ADAMTS16: variants seen among roughly 807,000 people sequenced by gnomAD.
The protein encoded by ADAMTS16 is ADAM metallopeptidase with thrombospondin type 1 motif 16.
Under a neutral mutation model 145.8 loss-of-function variants are expected in ADAMTS16, and 94 were observed. The observed-to-expected ratio is 0.64, with a 90% confidence interval of 0.55 to 0.77. The LOEUF (loss-of-function observed/expected upper bound fraction) is 0.77, where lower values mean the gene tolerates loss of function less well. ADAMTS16 is among the 30% of genes least tolerant of loss of function. The pLI, the probability that ADAMTS16 is intolerant of heterozygous loss-of-function variation, is 0.00. For synonymous variants in ADAMTS16, 659 were observed against 604.3 expected (o/e 1.09, Z -1.33); for missense variants, 1,585 against 1,591.5 (o/e 1.00, Z 0.07).
intron 17 of ADAMTS16, among the ~76,000 whole-genome samples, chr5:5,251,838 G>A (rs1424337996): frequency 1.3e-5 from 2 of 152,212 alleles, no homozygotes; most frequent in South Asian, 2.1e-4. Flanking sequence ...CCCTGGGCAT[G>A]GGGCCAAGTA....
At chr5:5,253,704 A>G (rs2126413912) in intron 17 of ADAMTS16, among the ~76,000 whole-genome samples, 1 of 152,176 alleles carries the variant, frequency 6.6e-6, no homozygotes, top group Non-Finnish European at 1.5e-5. Flanking sequence ...TCTGCAACCC[A>G]CATCTTCGAA....
chr5:5,289,783 T>C (rs1739231804), intron 18 of ADAMTS16, among the ~76,000 whole-genome samples: 1 of 151,498 alleles, frequency 6.6e-6, no homozygotes, highest in African/African-American at 2.4e-5. Context: ...GCAGCAGGGA[T>C]GAGTCCTCAC....
intron 8 of ADAMTS16, among the ~76,000 whole-genome samples, chr5:5,199,639 T>C (rs1246835937): frequency 6.6e-6 from 1 of 152,196 alleles, no homozygotes; most frequent in Non-Finnish European, 1.5e-5. Context: ...TTTGTAGTTC[T>C]CAAATTGCAG....
At chr5:5,203,963 T>C (rs1434669507) in intron 9 of ADAMTS16, among the ~76,000 whole-genome samples, 3 of 152,128 alleles carry the variant, frequency 2.0e-5, no homozygotes, top group Non-Finnish European at 4.4e-5. Context: ...ATAATGGAAA[T>C]AATACATTTC....
At chr5:5,249,958 C>T (rs1207010970) in intron 17 of ADAMTS16, among the ~76,000 whole-genome samples, 7 of 152,154 alleles carry the variant, frequency 4.6e-5, no homozygotes, top group Non-Finnish European at 4.4e-5. Context: ...AGCCAAACTC[C>T]TCTCCAACCA....
chr5:5,296,388 C>T (rs1560994080), intron 18 of ADAMTS16, among the ~76,000 whole-genome samples: 1 of 152,196 alleles, frequency 6.6e-6, no homozygotes, highest in Non-Finnish European at 1.5e-5. Flanking sequence ...GGACTCCCCG[C>T]CCTCCCCAGT....
chr5:5,303,420 G>T lies in ADAMTS16; in HGVS notation c.2942G>T (p.Cys981Phe). The change falls in exon 19 of 23, where the codon TGC (cysteine) becomes TTC (phenylalanine). Residue 981 changes from cysteine (C) to phenylalanine (F), a missense_variant. Cys to Phe is a radical substitution (Grantham distance 205). Transcript: ENST00000274181. ...PQPAPSSRQA[C>F]NSQSCPPAWS... ...CCTGCTCCCTCCAGCAGGCAGGCCTGCAACTCTCAGAGCTGCCCACCTGCA... is the reference window on the plus strand; with the variant it reads ...CCTGCTCCCTCCAGCAGGCAGGCCTTCAACTCTCAGAGCTGCCCACCTGCA... The T allele has an allele frequency of 6.2e-7, 1 of 1,609,916 alleles. No homozygotes were observed. Among genetic ancestry groups the T allele is most frequent in the East Asian group, 2.2e-5 (1 of 44,778 alleles).
intron 17 of ADAMTS16, among the ~76,000 whole-genome samples, chr5:5,256,913 T>A (rs901703615): frequency 6.6e-6 from 1 of 152,206 alleles, no homozygotes; most frequent in African/African-American, 2.4e-5. Flanking sequence ...AAGGAACAGA[T>A]TAATTTTCAT....
rs764454504 is a variant in ADAMTS16 at position 5,239,100 on chromosome 5, C to T, written c.2155-51C>T. 1.3e-5 allele frequency: 18 copies of T among 1,423,172 alleles called. No homozygotes were observed. In the South Asian group the frequency reaches 1.4e-4, roughly 11 times the overall value. The allele number at this position is 1,423,172 out of a possible 1,614,324, so 88.2% of individuals were successfully genotyped here. A position where few individuals can be genotyped will look rare whatever the true frequency, so the allele number is the denominator to read the frequency against. The stretch of plus-strand genomic sequence containing the variant: ...TTGCATGAGATTGGTGACAGTATTG[C>T]TGTGTTGTCCTTTCTTTCATGAATG... On this transcript the variant is annotated intron_variant, in intron 14 of 22. Coordinates refer to ENST00000274181, the MANE Select transcript of ADAMTS16 (RefSeq NM_139056.4).
At chr5:5,272,619 C>T (rs927258557) in intron 18 of ADAMTS16, among the ~76,000 whole-genome samples, 2 of 152,202 alleles carry the variant, frequency 1.3e-5, no homozygotes, top group South Asian at 2.1e-4. Flanking sequence ...CCTGCCTCGG[C>T]CTCCCAAAGT....
chr5:5,230,133 A>G (rs1736882353), intron 11 of ADAMTS16, among the ~76,000 whole-genome samples: 1 of 152,220 alleles, frequency 6.6e-6, no homozygotes, highest in Non-Finnish European at 1.5e-5. Flanking sequence ...GACGTGTTCA[A>G]TGGCACCACA....
chr5:5,277,359 G>A (rs945514862), intron 18 of ADAMTS16, among the ~76,000 whole-genome samples: 3 of 152,182 alleles, frequency 2.0e-5, no homozygotes, highest in Admixed American at 6.5e-5. Flanking sequence ...CACCTGCCAC[G>A]GACTACATGG....
At chr5:5,188,013 G>T (rs767735605) in intron 6 of ADAMTS16, among the ~76,000 whole-genome samples, 2 of 152,132 alleles carry the variant, frequency 1.3e-5, no homozygotes, top group Admixed American at 6.5e-5. Context: ...TTGTGCAAAA[G>T]TGGTAAGAAA....
chr5:5,202,315 C>A lies in ADAMTS16; in HGVS notation c.1451+2046C>A, dbSNP rs567080730. Among the ~76,000 whole-genome samples, 116 of 152,128 alleles carry A rather than the reference C, an allele frequency of 7.6e-4. 1 individual carries two copies. The highest frequency in any genetic ancestry group is 1.5e-3 in the Non-Finnish European group (104 of 68,018). The stretch of plus-strand genomic sequence containing the variant: ...CCAGCATAAGTGGCAACAGTTTGGA[C>A]GATATGTGTATCTTGGTAATATAAA... On this transcript the variant is annotated intron_variant, in intron 9 of 22. Coordinates refer to ENST00000274181, the MANE Select transcript of ADAMTS16 (RefSeq NM_139056.4).
chr5:5,194,661 A>G (rs1320188072), intron 8 of ADAMTS16, among the ~76,000 whole-genome samples: 1 of 152,220 alleles, frequency 6.6e-6, no homozygotes, highest in African/African-American at 2.4e-5. Flanking sequence ...AGTTGAACTA[A>G]ACTGAAGACA....
intron 5 of ADAMTS16, among the ~76,000 whole-genome samples, chr5:5,186,556 G>T (rs1735505268): frequency 6.6e-6 from 1 of 152,104 alleles, no homozygotes; most frequent in African/African-American, 2.4e-5. Context: ...TCTCTAAGGG[G>T]TTGCTGAGCC....
At chr5:5,294,587 A>G (rs1364824422) in intron 18 of ADAMTS16, among the ~76,000 whole-genome samples, 1 of 152,250 alleles carries the variant, frequency 6.6e-6, no homozygotes, top group Non-Finnish European at 1.5e-5. Context: ...TCACCTAAAT[A>G]TGCTTTCACA....
intron 17 of ADAMTS16, among the ~76,000 whole-genome samples, chr5:5,251,995 C>T (rs920930342): frequency 3.0e-4 from 45 of 152,252 alleles, no homozygotes; most frequent in Non-Finnish European, 5.7e-4. Flanking sequence ...GGACTACAGG[C>T]GGCCGCCACC....
chr5:5,168,784 T>G (rs1472052071), intron 3 of ADAMTS16, among the ~76,000 whole-genome samples: 1 of 143,792 alleles, frequency 7.0e-6, no homozygotes, highest in South Asian at 2.1e-4. Context: ...TTATTATAGA[T>G]AGAGCCCTTA....
Sources: gnomAD v4.1 joint callset for allele counts (sites outside exome capture counted in the v4.1 genomes callset) on GRCh38, gnomAD v4.1.1 for gene constraint, MANE v1.5 for transcripts, NCBI Gene and HGNC (gene_info 2026-07-23, HGNC 2026-07-21) for gene names.